Variants in ZFHX3 observed in about 807,000 individuals in gnomAD.
The protein encoded by ZFHX3 is zinc finger homeobox 3, also known as zinc finger homeobox protein 3.
In ZFHX3, 42 loss-of-function variants were observed where a neutral mutation model predicts 279.1. The observed-to-expected ratio is 0.15, with a 90% confidence interval of 0.12 to 0.19. The LOEUF (loss-of-function observed/expected upper bound fraction) is 0.19, where lower values mean the gene tolerates loss of function less well. ZFHX3 is among the 10% of genes least tolerant of loss of function. The pLI is 1.00. For missense variants in ZFHX3, 4,981 were observed against 4,754.0 expected (o/e 1.05, Z -1.40); for synonymous variants, 2,293 against 1,957.8 (o/e 1.17, Z -4.52).
intron 2 of ZFHX3, among the ~76,000 whole-genome samples, chr16:73,540,282 A>T (rs1479093785): frequency 1.3e-5 from 2 of 152,268 alleles, no homozygotes; most frequent in Non-Finnish European, 2.9e-5. Context: ...GAAATGAAAC[A>T]GAACACTCCT....
At chr16:73,080,191 C>T (rs1965927902) in intron 8 of ZFHX3, among the ~76,000 whole-genome samples, 1 of 152,224 alleles carries the variant, frequency 6.6e-6, no homozygotes, top group Admixed American at 6.5e-5. Context: ...TCTTTGTTCT[C>T]CTCATTACAC....
chr16:72,881,791 T>C (rs931382543), intron 4 of ZFHX3, among the ~76,000 whole-genome samples: 3 of 151,858 alleles, frequency 2.0e-5, no homozygotes, highest in African/African-American at 7.3e-5. Flanking sequence ...TCCAGTGAAA[T>C]CCAGGGACAG....
At chr16:73,535,077 C>T (rs752989908) in intron 2 of ZFHX3, among the ~76,000 whole-genome samples, 4 of 152,092 alleles carry the variant, frequency 2.6e-5, no homozygotes, top group Admixed American at 6.5e-5. Context: ...TAGTGTTAGC[C>T]GATTTCCCTG....
At chr16:73,407,281 C>A (rs1171289118) in intron 3 of ZFHX3, among the ~76,000 whole-genome samples, 1 of 152,264 alleles carries the variant, frequency 6.6e-6, no homozygotes, top group South Asian at 2.1e-4. Flanking sequence ...TGCTTTGTGA[C>A]TAAAAGTAGC....
intron 1 of ZFHX3, among the ~76,000 whole-genome samples, chr16:73,687,528 A>G (rs1015878373): frequency 6.6e-6 from 1 of 152,126 alleles, no homozygotes; most frequent in African/African-American, 2.4e-5. Context: ...GGGAAATGCC[A>G]TCATTAGCAT....
intron 7 of ZFHX3, among the ~76,000 whole-genome samples, chr16:72,811,345 G>A (rs186812358): frequency 4.9e-4 from 75 of 152,326 alleles, no homozygotes; most frequent in African/African-American, 1.8e-3. Flanking sequence ...TCCCCTGAGG[G>A]CAGAGAGGAT....
At chr16:73,819,005 A>G (rs560966104) in intron 1 of ZFHX3, among the ~76,000 whole-genome samples, 1 of 152,146 alleles carries the variant, frequency 6.6e-6, no homozygotes, top group Admixed American at 6.5e-5. Flanking sequence ...GGGAAGCACA[A>G]TGAAGTTGAT....
intron 3 of ZFHX3, among the ~76,000 whole-genome samples, chr16:73,355,565 C>T (rs2016326139): frequency 6.6e-6 from 1 of 152,130 alleles, no homozygotes; most frequent in Non-Finnish European, 1.5e-5. Context: ...TCCTCAACAT[C>T]GTCATGTACA....
At chr16:73,016,072 C>G (rs547007261) in intron 1 of ZFHX3, 3 of 152,300 alleles carry the variant, frequency 2.0e-5, no homozygotes, top group Admixed American at 1.3e-4. Flanking sequence ...TTCTCTCTTA[C>G]GCAAAGGAGA....
intron 2 of ZFHX3, among the ~76,000 whole-genome samples, chr16:73,479,953 C>A (rs895772020): frequency 9.9e-5 from 15 of 152,284 alleles, no homozygotes; most frequent in Middle Eastern, 3.4e-3. Flanking sequence ...TTAAAAGCTC[C>A]GGGTCAACCC....
chr16:73,775,761 G>T (rs1254579404), intron 1 of ZFHX3, among the ~76,000 whole-genome samples: 1 of 152,164 alleles, frequency 6.6e-6, no homozygotes, highest in Non-Finnish European at 1.5e-5. Context: ...AATAAGGCAG[G>T]TGTAGGGGCT....
intron 5 of ZFHX3, among the ~76,000 whole-genome samples, chr16:73,145,863 G>C (rs919413433): frequency 2.0e-5 from 3 of 152,236 alleles, no homozygotes; most frequent in East Asian, 1.9e-4. Context: ...GTCCAAGACA[G>C]TTCAGCGAAC....
intron 5 of ZFHX3, among the ~76,000 whole-genome samples, chr16:73,168,279 C>CTTTCTTTCTTTT (rs1555502322): frequency 5.1e-4 from 74 of 143,740 alleles, no homozygotes; most frequent in African/African-American, 1.9e-3. Flanking sequence ...TTCTTTCTTT[C>CTTTCTTTCTTTT]GAGACAAAGT....
At chr16:73,689,754 C>T (rs8055965) in intron 1 of ZFHX3, among the ~76,000 whole-genome samples, 5,885 of 151,950 alleles carry the variant, frequency 0.039, 132 homozygotes, top group Middle Eastern at 0.051. Context: ...ATGGAAAACA[C>T]GACTATCAGG....
intron 2 of ZFHX3, among the ~76,000 whole-genome samples, chr16:73,481,926 C>T (rs533795269): frequency 1.3e-5 from 2 of 152,116 alleles, no homozygotes; most frequent in Non-Finnish European, 2.9e-5. Context: ...AGGTCTTGAG[C>T]CCTGTTGTCA....
intron 4 of ZFHX3, among the ~76,000 whole-genome samples, chr16:73,279,650 G>A (rs976137809): frequency 1.4e-4 from 22 of 151,988 alleles, no homozygotes; most frequent in Non-Finnish European, 2.5e-4. Context: ...TTCAACAATG[G>A]CATTATTCTT....
chr16:72,839,204 C>CA (rs397965083), intron 4 of ZFHX3, among the ~76,000 whole-genome samples: 1 of 151,956 alleles, frequency 6.6e-6, no homozygotes, highest in Non-Finnish European at 1.5e-5. Flanking sequence ...TTCCCCCCCC[C>CA]ATTTTCCAGT....
chr16:73,532,070 A>G (rs2019813975), intron 2 of ZFHX3, among the ~76,000 whole-genome samples: 1 of 152,198 alleles, frequency 6.6e-6, no homozygotes. Flanking sequence ...CCTGGGCAAC[A>G]GAGTGAGACC....
chr16:72,827,474 C>A (rs1396216839), intron 5 of ZFHX3, among the ~76,000 whole-genome samples: 1 of 152,094 alleles, frequency 6.6e-6, no homozygotes, highest in Non-Finnish European at 1.5e-5. Flanking sequence ...AGTGGCAGAG[C>A]CAGGATTAGA....
Sources: allele counts gnomAD v4.1 joint callset (sites outside exome capture counted in the v4.1 genomes callset), GRCh38; gene constraint gnomAD v4.1.1; transcripts MANE v1.5; gene names NCBI Gene and HGNC (gene_info 2026-07-23, HGNC 2026-07-21).